KREMEN1: variants seen among roughly 807,000 people sequenced by gnomAD.
KREMEN1 encodes kremen protein 1.
Under a neutral mutation model 46.5 loss-of-function variants are expected in KREMEN1, and 30 were observed. That is an observed-to-expected ratio of 0.65 (90% CI 0.48 to 0.88). The LOEUF (loss-of-function observed/expected upper bound fraction) is 0.88, where lower values mean the gene tolerates loss of function less well. Among genes scored for constraint, KREMEN1 ranks in the 40% least tolerant of loss-of-function variants. The pLI, the probability that KREMEN1 is intolerant of heterozygous loss-of-function variation, is 0.00. For synonymous variants in KREMEN1, 214 were observed against 230.6 expected, an observed-to-expected ratio of 0.93 and a Z score of 0.65; for missense variants, 533 against 596.9, an observed-to-expected ratio of 0.89 and a Z score of 1.11.
chr22:29,082,447 T>A (rs1365636837), intron 1 of KREMEN1, among the ~76,000 whole-genome samples: 1 of 152,222 alleles, frequency 6.6e-6, no homozygotes, highest in Non-Finnish European at 1.5e-5. Flanking sequence ...TTGATTTACA[T>A]GAACTTTCCT....
At chr22:29,160,935 A>G (rs1415187934) in intron 9 of KREMEN1, among the ~76,000 whole-genome samples, 1 of 152,230 alleles carries the variant, frequency 6.6e-6, no homozygotes, top group Non-Finnish European at 1.5e-5. Context: ...AGCAAAACCA[A>G]AAGTTGATTA....
intron 3 of KREMEN1, 33 bp from the exon 4 acceptor site, chr22:29,121,324 T>C: frequency 6.2e-7 from 1 of 1,611,490 alleles, no homozygotes. Flanking sequence ...AGCCAGATGT[T>C]GCGAAATTCT....
chr22:29,103,446 C>A (rs1168101158), intron 3 of KREMEN1, among the ~76,000 whole-genome samples: 1 of 152,202 alleles, frequency 6.6e-6, no homozygotes, highest in African/African-American at 2.4e-5. Context: ...CTGAACTGCT[C>A]TTGACCTGCA....
At chr22:29,124,561 C>T (rs901594551) in intron 4 of KREMEN1, among the ~76,000 whole-genome samples, 1 of 151,586 alleles carries the variant, frequency 6.6e-6, no homozygotes, top group Non-Finnish European at 1.5e-5. Context: ...GATGCAGTCT[C>T]GGCTCACTGC....
intron 9 of KREMEN1, among the ~76,000 whole-genome samples, chr22:29,159,939 G>A (rs2038995664): frequency 6.6e-6 from 1 of 152,058 alleles, no homozygotes; most frequent in Non-Finnish European, 1.5e-5. Context: ...AGGTCTCTTA[G>A]CCCCATAATA....
At chr22:29,149,187 G>A (rs941170190), downstream of KREMEN1, among the ~76,000 whole-genome samples, 4 of 142,946 alleles carry the variant, frequency 2.8e-5, no homozygotes, top group Admixed American at 2.0e-4. Flanking sequence ...TTTTTGAGAC[G>A]GAGTCTCGCT....
At position 29,121,372 on chromosome 22, in the gene KREMEN1, G is replaced by C. The variant is rs768929560; in HGVS notation, c.368G>C (p.Gly123Ala). The change falls in exon 4 of 9, where the codon GGC becomes GCC. Residue 123 changes from glycine to alanine, a missense_variant. Physicochemically the swap from Gly to Ala is moderately conservative, Grantham distance 60 (BLOSUM62 0). Coordinates refer to ENST00000400335, the MANE Select transcript of KREMEN1 (RefSeq NM_001039570.3). Reference sequence around the variant, plus strand: ...TTTTCTTTAGTGCCTGGAAACCTTGGCTGCTACAAGGATCATGGAAACCCA... The same window carrying C: ...TTTTCTTTAGTGCCTGGAAACCTTGCCTGCTACAAGGATCATGGAAACCCA... ...IPACQMPGNL[G>A]CYKDHGNPPP... 3 of 1,613,748 alleles carry C rather than the reference G, an allele frequency of 1.9e-6. No homozygotes were observed. The highest frequency in any genetic ancestry group is 2.5e-6 in the Non-Finnish European group (3 of 1,179,964).
intron 1 of KREMEN1, among the ~76,000 whole-genome samples, chr22:29,083,400 A>G (rs2037686305): frequency 6.6e-6 from 1 of 152,212 alleles, no homozygotes; most frequent in African/African-American, 2.4e-5. Flanking sequence ...ATCTCTACAT[A>G]TTATAGACCT....
intron 1 of KREMEN1, among the ~76,000 whole-genome samples, chr22:29,088,594 T>G (rs1283266853): frequency 1.3e-5 from 2 of 152,210 alleles, no homozygotes; most frequent in Non-Finnish European, 2.9e-5. Context: ...CCTCCCAAAG[T>G]GCTGGGATTA....
At chr22:29,152,646 C>T (rs866176317) in intron 9 of KREMEN1, among the ~76,000 whole-genome samples, 28 of 152,138 alleles carry the variant, frequency 1.8e-4, no homozygotes, top group African/African-American at 6.3e-4. Context: ...CACTCTCCCC[C>T]CAACCCCTCC....
chr22:29,108,229 G>C (rs2145788304), intron 3 of KREMEN1, among the ~76,000 whole-genome samples: 1 of 152,352 alleles, frequency 6.6e-6, no homozygotes, highest in South Asian at 2.1e-4. Flanking sequence ...GGAGGTTGCG[G>C]TAAGCCTAGA....
At chr22:29,094,527 C>A (rs1433283900) in intron 2 of KREMEN1, 107 bp downstream of exon 2, 2 of 868,344 alleles carry the variant, frequency 2.3e-6, no homozygotes, top group Non-Finnish European at 3.5e-6. Flanking sequence ...TTGACCAACT[C>A]AAGAGACTTA....
At chr22:29,153,969 C>CAAAAA (rs132287) in intron 9 of KREMEN1, among the ~76,000 whole-genome samples, 1 of 140,538 alleles carries the variant, frequency 7.1e-6, no homozygotes, top group Non-Finnish European at 1.5e-5. Context: ...GACTTCCTCT[C>CAAAAA]AAAAAAAAAA....
chr22:29,117,317 C>T (rs2038256072), intron 3 of KREMEN1, among the ~76,000 whole-genome samples: 1 of 152,166 alleles, frequency 6.6e-6, no homozygotes, highest in African/African-American at 2.4e-5. Context: ...CCTGTAATCC[C>T]AGCACTTTGG....
intron 6 of KREMEN1, 75 bp downstream of exon 6, chr22:29,137,749 T>G: frequency 8.0e-7 from 1 of 1,252,856 alleles, no homozygotes; most frequent in Non-Finnish European, 1.1e-6. Flanking sequence ...CCCTTGTGAC[T>G]TGGGCAGTTC....
At chr22:29,125,505 TATTC>T in intron 5 of KREMEN1, 89 bp downstream of exon 5, 2 of 1,321,234 alleles carry the variant, frequency 1.5e-6, no homozygotes, top group Non-Finnish European at 2.1e-6. Context: ...CCCTTCTATG[TATTC>T]ATTCATTCAC....
At chr22:29,140,939 T>C (rs1326127955) in intron 8 of KREMEN1, among the ~76,000 whole-genome samples, 1 of 152,204 alleles carries the variant, frequency 6.6e-6, no homozygotes, top group African/African-American at 2.4e-5. Context: ...CTAATGTTTG[T>C]GTACTTAGAG....
intron 1 of KREMEN1, among the ~76,000 whole-genome samples, chr22:29,086,964 T>C (rs2037739533): frequency 6.6e-6 from 1 of 152,160 alleles, no homozygotes; most frequent in Non-Finnish European, 1.5e-5. Flanking sequence ...GGTCTCCCTA[T>C]GTTGCCCAGG....
At chr22:29,099,110 G>A (rs892050113) in intron 3 of KREMEN1, 157 bp downstream of exon 3, 6 of 597,122 alleles carry the variant, frequency 1.0e-5, no homozygotes, top group Non-Finnish European at 1.8e-5. Flanking sequence ...CACTTCTCTT[G>A]TTGAGGCTTT....
Sources: allele counts gnomAD v4.1 joint callset (sites outside exome capture counted in the v4.1 genomes callset), GRCh38; gene constraint gnomAD v4.1.1; transcripts MANE v1.5; gene names NCBI Gene and HGNC (gene_info 2026-07-23, HGNC 2026-07-21).